Variants in INTS4 observed in about 807,000 individuals in gnomAD.
INTS4 encodes integrator complex subunit 4, also known as MSTP093.
Under a neutral mutation model 119.5 loss-of-function variants are expected in INTS4, and 70 were observed. The observed-to-expected ratio is 0.59, with a 90% CI of 0.48 to 0.71. The LOEUF (loss-of-function observed/expected upper bound fraction) is 0.71, where lower values mean the gene tolerates loss of function less well. INTS4 is among the 30% of genes least tolerant of loss of function. INTS4 has a pLI of 0.00. For synonymous variants in INTS4, 316 were observed against 419.6 expected (o/e 0.75, Z 3.02); for missense variants, 867 against 1,173.2 (o/e 0.74, Z 3.81).
At chr11:77,940,945 A>C (rs1196655708) in intron 9 of INTS4, among the ~76,000 whole-genome samples, 4 of 152,172 alleles carry the variant, frequency 2.6e-5, no homozygotes, top group African/African-American at 9.7e-5. Context: ...TAGAAAATTA[A>C]TCTTGCCTCT....
chr11:77,958,601 T>A, intron 7 of INTS4, 145 bp downstream of exon 7: 1 of 598,588 alleles, frequency 1.7e-6, no homozygotes, highest in Admixed American at 2.9e-5. Context: ...CAATCTGATT[T>A]TCAGGGCCTG....
intron 9 of INTS4, 106 bp from the exon 10 acceptor site, chr11:77,938,931 T>C: frequency 1.3e-6 from 1 of 754,522 alleles, no homozygotes; most frequent in South Asian, 2.1e-5. Flanking sequence ...TCTTTGAGAG[T>C]TACGTTTGTA....
intron 15 of INTS4, chr11:77,911,150 T>C: frequency 8.3e-7 from 1 of 1,201,700 alleles, no homozygotes; most frequent in Non-Finnish European, 1.1e-6. Flanking sequence ...AAGAAGGAGA[T>C]GCCTACAAAG....
chr11:77,922,834 C>T (rs1410413984), intron 12 of INTS4: 8 of 301,446 alleles, frequency 2.7e-5, no homozygotes, highest in Middle Eastern at 1.1e-3. Flanking sequence ...ATGGCAATCC[C>T]ATTCCCATTT....
intron 8 of INTS4, among the ~76,000 whole-genome samples, chr11:77,946,760 CAAA>C (rs61192670): frequency 4.9e-5 from 5 of 101,454 alleles, no homozygotes; most frequent in Admixed American, 2.0e-4. Flanking sequence ...GACCCTGTCT[CAAA>C]AAAAAAAAAA....
At position 77,922,485 on chromosome 11, in the gene INTS4, A is replaced by G; in HGVS notation, c.1515-14T>C. 1 of 1,193,464 alleles carries G rather than the reference A, an allele frequency of 8.4e-7. No individual in the cohort carries two copies. The highest frequency in any genetic ancestry group is 2.6e-5 in the Admixed American group (1 of 38,514). 73.9% of individuals were successfully genotyped at this position (1,193,464 alleles called of 1,614,324 possible). On this transcript the variant is annotated splice_polypyrimidine_tract_variant and intron_variant, in intron 12 of 22. Transcript: ENST00000534064. Reference sequence around the variant, plus strand: ...AACTTCAAGCACCTGAAACAAACAAATAAGAATGCACATCAACAAATTAGT... The same window carrying G: ...AACTTCAAGCACCTGAAACAAACAAGTAAGAATGCACATCAACAAATTAGT...
intron 19 of INTS4, among the ~76,000 whole-genome samples, chr11:77,893,217 A>G (rs1215709421): frequency 7.9e-5 from 12 of 152,258 alleles, no homozygotes; most frequent in Non-Finnish European, 1.6e-4. Context: ...GATTCATTCC[A>G]TATAAAACTC....
chr11:77,886,517 T>A (rs942865820), intron 21 of INTS4, among the ~76,000 whole-genome samples: 5 of 152,094 alleles, frequency 3.3e-5, no homozygotes, highest in Admixed American at 6.6e-5. Context: ...GAAGCACGGG[T>A]AAACGGCGGG....
At chr11:77,885,880 T>C (rs2136370073) in intron 21 of INTS4, among the ~76,000 whole-genome samples, 1 of 151,740 alleles carries the variant, frequency 6.6e-6, no homozygotes, top group African/African-American at 2.4e-5. Flanking sequence ...GCAATGATCA[T>C]GGGAAAAACA....
Position 77,976,151 on chromosome 11 carries a change from A to G in INTS4, c.471+2845T>C, listed in dbSNP as rs535999169. ...TTAAAAATGAAGTATCATTTTCCAC[A>G]TACCAAATTAACAGGTTTATCTTTG... is the stretch of plus-strand genomic sequence containing the variant. On this transcript the variant is annotated intron_variant, in intron 4 of 22. Coordinates refer to ENST00000534064, the MANE Select transcript of INTS4 (RefSeq NM_033547.4). Among the ~76,000 whole-genome samples the G allele has an allele frequency of 1.4e-4, 22 of 152,350 alleles. No homozygotes were observed. The South Asian group carries it at 2.5e-3, about 17-fold the overall frequency.
chr11:77,918,791 C>G, intron 15 of INTS4, 30 bp downstream of exon 15: 1 of 1,609,808 alleles, frequency 6.2e-7, no homozygotes, highest in Non-Finnish European at 8.5e-7. Context: ...ACAGCACTAA[C>G]TCTGTCAGAT....
intron 8 of INTS4, among the ~76,000 whole-genome samples, chr11:77,945,687 C>T (rs769415887): frequency 2.0e-5 from 3 of 152,184 alleles, no homozygotes; most frequent in Non-Finnish European, 4.4e-5. Flanking sequence ...AGTATGCACA[C>T]GCCAGTACTC....
At chr11:77,967,684 G>A (rs1855559595) in intron 4 of INTS4, among the ~76,000 whole-genome samples, 1 of 152,068 alleles carries the variant, frequency 6.6e-6, no homozygotes, top group South Asian at 2.1e-4. Flanking sequence ...ACAAAATTCT[G>A]TTATATTCTT....
At chr11:77,978,416 G>A (rs575327896) in intron 4 of INTS4, 2 of 152,174 alleles carry the variant, frequency 1.3e-5, no homozygotes, top group African/African-American at 4.8e-5. Flanking sequence ...AGGGGTTGCT[G>A]TGTATACACA....
chr11:77,889,002 T>G (rs1373234241), intron 21 of INTS4, among the ~76,000 whole-genome samples: 3 of 152,226 alleles, frequency 2.0e-5, no homozygotes, highest in Non-Finnish European at 2.9e-5. Flanking sequence ...TCAACCATTG[T>G]GGATGTCAGT....
intron 21 of INTS4, chr11:77,884,732 TC>T (rs1414440471): frequency 3.0e-6 from 1 of 334,614 alleles, no homozygotes; most frequent in East Asian, 8.5e-5. Flanking sequence ...TCATGGGGCC[TC>T]CCCCTGATTC....
chr11:77,943,348 T>C (rs1330619480), intron 8 of INTS4, among the ~76,000 whole-genome samples: 1 of 152,122 alleles, frequency 6.6e-6, no homozygotes, highest in Non-Finnish European at 1.5e-5. Flanking sequence ...GTAATCCACT[T>C]GAAAAATGGT....
rs563575455 is a variant in INTS4 at position 77,891,951 on chromosome 11, G to A, written c.2289-111C>T. 26 of 1,549,022 alleles carry A rather than the reference G, an allele frequency of 1.7e-5. No individual in the cohort carries two copies. The East Asian group carries it at 5.6e-4, about 34-fold the overall frequency. On this transcript the variant is annotated intron_variant, in intron 19 of 22. Coordinates refer to ENST00000534064, the MANE Select transcript of INTS4 (RefSeq NM_033547.4). ...AAGTAGGAAGAATGATGAAGTGAGA[G>A]GAGCTTGCAGTTTACGACCAAGATA...
At chr11:77,948,474 C>T (rs1420647797) in intron 8 of INTS4, among the ~76,000 whole-genome samples, 8 of 151,730 alleles carry the variant, frequency 5.3e-5, no homozygotes, top group Non-Finnish European at 1.2e-4. Context: ...TGTCAAAACC[C>T]GTCTCTAATA....
Sources: gnomAD v4.1 joint callset for allele counts (sites outside exome capture counted in the v4.1 genomes callset) on GRCh38, gnomAD v4.1.1 for gene constraint, MANE v1.5 for transcripts, NCBI Gene and HGNC (gene_info 2026-07-23, HGNC 2026-07-21) for gene names.